Variants in MCTP1 observed in about 807,000 individuals in gnomAD.
MCTP1 encodes multiple C2 and transmembrane domain-containing protein 1.
Under a neutral mutation model 120.6 loss-of-function variants are expected in MCTP1, and 69 were observed. The observed-to-expected ratio is 0.57, with a 90% confidence interval of 0.47 to 0.70. The LOEUF is 0.70. Ranked by LOEUF, MCTP1 falls within the 30% of genes least tolerant of loss-of-function variation. The pLI is 0.00. For missense variants in MCTP1, 1,203 were observed against 1,248.8 expected (o/e 0.96, Z 0.55); for synonymous variants, 529 against 493.1 (o/e 1.07, Z -0.96).
In MCTP1 at chr5:95,114,457, T is replaced by C. The variant is rs141811046; in HGVS notation, c.721-96973A>G. 5.5e-3 allele frequency among the ~76,000 whole-genome samples: 842 copies of C among 152,256 alleles called. 8 individuals are homozygous for C. The highest frequency in any genetic ancestry group is 0.019 in the African/African-American group (807 of 41,566). On this transcript the variant is annotated intron_variant, in intron 1 of 22. Transcript: ENST00000515393. ...GGGTGAGTAGCAGGCCAGGCAGCAT[T>C]AGCTACAAGCTGACTTAAGAGCCCT... is the stretch of plus-strand genomic sequence containing the variant.
intron 1 of MCTP1, among the ~76,000 whole-genome samples, chr5:95,239,329 A>G (rs554482763): frequency 1.5e-4 from 23 of 152,324 alleles, no homozygotes; most frequent in African/African-American, 5.5e-4. Flanking sequence ...TCATTGTCCG[A>G]GCACTCAATT....
chr5:94,940,263 G>T, intron 4 of MCTP1, 68 bp from the exon 5 acceptor site: 11 of 838,876 alleles, frequency 1.3e-5, no homozygotes, highest in East Asian at 5.6e-5. Context: ...TTTTATTAAT[G>T]CTTTATTATT....
At chr5:95,120,502 T>C (rs1758144236) in intron 1 of MCTP1, among the ~76,000 whole-genome samples, 1 of 152,202 alleles carries the variant, frequency 6.6e-6, no homozygotes. Context: ...AAGTGGGATT[T>C]ATCCCATGAA....
chr5:95,125,766 T>G (rs1758575176), intron 1 of MCTP1, among the ~76,000 whole-genome samples: 1 of 152,210 alleles, frequency 6.6e-6, no homozygotes, highest in Non-Finnish European at 1.5e-5. Context: ...AGGGTATAAA[T>G]GAATGAAATC....
intron 2 of MCTP1, among the ~76,000 whole-genome samples, chr5:94,967,191 G>T (rs1368916969): frequency 6.6e-6 from 1 of 152,148 alleles, no homozygotes; most frequent in Non-Finnish European, 1.5e-5. Flanking sequence ...CCACTGTGTA[G>T]GTTAAGTGTC....
chr5:95,042,848 T>G (rs1842576989), intron 1 of MCTP1, among the ~76,000 whole-genome samples: 1 of 152,218 alleles, frequency 6.6e-6, no homozygotes, highest in Non-Finnish European at 1.5e-5. Flanking sequence ...AGTATTCTAT[T>G]GAATGTATAT....
At chr5:94,764,366 A>G (rs181509797) in intron 19 of MCTP1, among the ~76,000 whole-genome samples, 44 of 152,326 alleles carry the variant, frequency 2.9e-4, no homozygotes, top group Admixed American at 5.2e-4. Context: ...ATGCTAACTA[A>G]CATCACTATA....
At chr5:94,762,089 A>G (rs940846202) in intron 19 of MCTP1, among the ~76,000 whole-genome samples, 1 of 152,238 alleles carries the variant, frequency 6.6e-6, no homozygotes, top group Non-Finnish European at 1.5e-5. Flanking sequence ...AGTCAACACA[A>G]TGAATAATGA....
intron 1 of MCTP1, among the ~76,000 whole-genome samples, chr5:95,146,339 T>C (rs1020080863): frequency 6.6e-6 from 1 of 152,200 alleles, no homozygotes; most frequent in African/African-American, 2.4e-5. Context: ...GAACTAACTC[T>C]TGCTTTCATT....
chr5:95,245,723 C>T lies in MCTP1; in HGVS notation c.720+38133G>A, dbSNP rs573650908. Among the ~76,000 whole-genome samples the T allele has an allele frequency of 2.6e-5, 4 of 152,128 alleles. No individual in the cohort carries two copies. The South Asian group carries it at 6.2e-4, about 24-fold the overall frequency. On this transcript the variant is annotated intron_variant, in intron 1 of 22. Transcript: ENST00000515393. ...ATTTGATTGGTGTACCGGAAAGTGA[C>T]AGGGAGAATGGAACCAAGCTAGAAA...
intron 10 of MCTP1, among the ~76,000 whole-genome samples, chr5:94,905,451 T>A (rs1806578720): frequency 6.6e-6 from 1 of 152,106 alleles, no homozygotes; most frequent in African/African-American, 2.4e-5. Context: ...AGGGGAGGTG[T>A]GGAAGGAAGA....
At chr5:95,140,879 CAAA>C (rs33910299) in intron 1 of MCTP1, among the ~76,000 whole-genome samples, 99 of 45,324 alleles carry the variant, frequency 2.2e-3, no homozygotes, top group African/African-American at 8.1e-3. Flanking sequence ...GACTCCGTCT[CAAA>C]AAAAAAAAAA....
chr5:95,206,604 G>A (rs753203382), intron 1 of MCTP1, among the ~76,000 whole-genome samples: 10 of 152,044 alleles, frequency 6.6e-5, no homozygotes, highest in Middle Eastern at 3.2e-3. Context: ...GCATGATCTC[G>A]GCTCACTACA....
At chr5:94,847,137 C>T (rs1267469442) in intron 17 of MCTP1, among the ~76,000 whole-genome samples, 2 of 152,138 alleles carry the variant, frequency 1.3e-5, no homozygotes, top group Admixed American at 1.3e-4. Flanking sequence ...CACCTAGAAA[C>T]TTTACCCTTC....
chr5:95,083,461 C>T (rs1339061566), intron 1 of MCTP1, among the ~76,000 whole-genome samples: 3 of 152,184 alleles, frequency 2.0e-5, no homozygotes, highest in Admixed American at 6.5e-5. Context: ...TCAATGCATA[C>T]TATGCACAGA....
intron 1 of MCTP1, among the ~76,000 whole-genome samples, chr5:95,026,711 T>C (rs1011634137): frequency 6.6e-6 from 1 of 152,228 alleles, no homozygotes; most frequent in African/African-American, 2.4e-5. Context: ...AATTTCCTGG[T>C]GTGCTCTTAG....
At chr5:94,851,350 C>G (rs1793656526) in intron 17 of MCTP1, among the ~76,000 whole-genome samples, 1 of 152,070 alleles carries the variant, frequency 6.6e-6, no homozygotes, top group Admixed American at 6.6e-5. Flanking sequence ...CCCACTATCA[C>G]TGCACATGCC....
chr5:95,260,154 A>G (rs1485958286), intron 1 of MCTP1, among the ~76,000 whole-genome samples: 4 of 152,154 alleles, frequency 2.6e-5, no homozygotes, highest in Admixed American at 6.5e-5. Flanking sequence ...TTTTTCTACA[A>G]TTGAGTATCA....
intron 11 of MCTP1, among the ~76,000 whole-genome samples, chr5:94,890,025 G>A (rs1802230078): frequency 6.6e-6 from 1 of 151,678 alleles, no homozygotes; most frequent in Non-Finnish European, 1.5e-5. Flanking sequence ...TATTTTTTTA[G>A]AGACAGGGTC....
Sources: gnomAD v4.1 joint callset for allele counts (sites outside exome capture counted in the v4.1 genomes callset) on GRCh38, gnomAD v4.1.1 for gene constraint, MANE v1.5 for transcripts, NCBI Gene and HGNC (gene_info 2026-07-23, HGNC 2026-07-21) for gene names.